ACTL6A: variants seen among roughly 807,000 people sequenced by gnomAD.
The protein encoded by ACTL6A is actin-like protein 6A.
Under a neutral mutation model 59.2 loss-of-function variants are expected in ACTL6A, and 5 were observed. The observed-to-expected ratio is 0.08, with a 90% CI of 0.04 to 0.18. The LOEUF is 0.18. Among genes scored for constraint, ACTL6A ranks in the 10% least tolerant of loss-of-function variants. The probability of loss-of-function intolerance (pLI) is 1.00; values close to 1 mark genes in which losing one functional copy is unlikely to be tolerated. For synonymous variants in ACTL6A, 154 were observed against 171.8 expected (o/e 0.90, Z 0.81); for missense variants, 285 against 526.9 (o/e 0.54, Z 4.49).
chr3:179,587,872 T>TTC lies in ACTL6A; in HGVS notation c.1210-58_1210-57insTC, dbSNP rs1718557768. 3 of 1,496,480 alleles carry TTC rather than the reference T, an allele frequency of 2.0e-6. No homozygotes were observed. The East Asian group carries it at 7.3e-5, about 36-fold the overall frequency. The allele number at this position is 1,496,480 out of a possible 1,614,324, so 92.7% of individuals were successfully genotyped here. ...CTTCTCTCAAAAAAAAAAAATTTTTTAAGCCATTTCTAGTAAGAAGTAAGG... is the reference window on the plus strand; with the variant it reads ...CTTCTCTCAAAAAAAAAAAATTTTTTTCAAGCCATTTCTAGTAAGAAGTAAGG... On this transcript the variant is annotated intron_variant, in intron 13 of 13. Transcript: ENST00000429709.
chr3:179,582,090 T>TACCTTTATTTC (rs1435640964), intron 11 of ACTL6A, among the ~76,000 whole-genome samples: 2 of 152,254 alleles, frequency 1.3e-5, no homozygotes, highest in Non-Finnish European at 2.9e-5. Context: ...TACTTTATTT[T>TACCTTTATTTC]ACCTTTATTT....
At position 179,563,016 on chromosome 3, in the gene ACTL6A, C is replaced by A; in HGVS notation, c.-77C>A. 2 of 1,578,856 alleles carry A rather than the reference C, an allele frequency of 1.3e-6. No homozygotes were observed. The highest frequency in any genetic ancestry group is 1.1e-5 in the South Asian group (1 of 88,198). On this transcript the variant is annotated 5_prime_UTR_variant, in exon 1 of 14. Transcript: ENST00000429709. ...TTAAGGGAGTCAGGGGCTATCGCTC[C>A]TCGAGACTCGCAGTCGCGGCCACTG... is the stretch of plus-strand genomic sequence containing the variant.
In ACTL6A at chr3:179,580,620, CT is replaced by C; in HGVS notation, c.769-14del. On this transcript the variant is annotated intron_variant, in intron 8 of 13. Transcript: ENST00000429709. ...AGATAAATCTCAACCTTGTTTGTTA[CT>C]TTTTTCTTTTACTCACAGTGTGTTA... 1.9e-6 allele frequency: 3 copies of C among 1,558,016 alleles called. No individual in the cohort carries two copies. Among genetic ancestry groups the C allele is most frequent in the Non-Finnish European group, 2.6e-6 (3 of 1,143,704 alleles).
chr3:179,567,223 G>A (rs889752257), intron 1 of ACTL6A, among the ~76,000 whole-genome samples: 1 of 152,048 alleles, frequency 6.6e-6, no homozygotes, highest in Non-Finnish European at 1.5e-5. Flanking sequence ...AAACCTAGCC[G>A]GGCTTGGTGG....
At chr3:179,563,197 C>T in intron 1 of ACTL6A, 80 bp downstream of exon 1, 1 of 1,532,298 alleles carries the variant, frequency 6.5e-7, no homozygotes. Flanking sequence ...CCCTCCCCTC[C>T]CCGGCGTTCC....
chr3:179,575,133 G>A (rs569659987), intron 5 of ACTL6A: 7 of 299,824 alleles, frequency 2.3e-5, no homozygotes, highest in Non-Finnish European at 2.6e-5. Context: ...ATGAGCCACC[G>A]TGCCCAGCCT....
intron 11 of ACTL6A, 36 bp downstream of exon 11, chr3:179,581,256 CT>C: frequency 6.5e-7 from 1 of 1,535,040 alleles, no homozygotes; most frequent in Non-Finnish European, 9.0e-7. Flanking sequence ...TTAAAGGTAT[CT>C]TTTAGGGGAC....
intron 1 of ACTL6A, among the ~76,000 whole-genome samples, chr3:179,563,565 G>A (rs1424236134): frequency 6.6e-6 from 1 of 152,218 alleles, no homozygotes; most frequent in Non-Finnish European, 1.5e-5. Context: ...GTGGACGGAG[G>A]GTTCCCAGAG....
At chr3:179,586,490 T>TAAA in intron 12 of ACTL6A, 56 bp from the exon 13 acceptor site, 1 of 1,152,090 alleles carries the variant, frequency 8.7e-7, no homozygotes, top group African/African-American at 1.6e-5. Context: ...AAAAAAAGAA[T>TAAA]TTTCTAAGTT....
At position 179,567,198 on chromosome 3, in the gene ACTL6A, T is replaced by C. The variant is rs547227753; in HGVS notation, c.26-2626T>C. On this transcript the variant is annotated intron_variant, in intron 1 of 13. Transcript: ENST00000429709. Reference sequence around the variant, plus strand: ...CTGGCCAACATGGTGAAACCCCATGTCTACTAAAAATATAAAACCTAGCCG... The same window carrying C: ...CTGGCCAACATGGTGAAACCCCATGCCTACTAAAAATATAAAACCTAGCCG... 1.2e-3 allele frequency among the ~76,000 whole-genome samples: 187 copies of C among 152,222 alleles called. 1 individual carries two copies. Among genetic ancestry groups the C allele is most frequent in the African/African-American group, 4.2e-3 (175 of 41,542 alleles).
chr3:179,563,019 G>A lies in ACTL6A; in HGVS notation c.-74G>A. On this transcript the variant is annotated 5_prime_UTR_variant, in exon 1 of 14. Transcript: ENST00000429709. ...AGGGAGTCAGGGGCTATCGCTCCTC[G>A]AGACTCGCAGTCGCGGCCACTGCAG... 3 of 1,582,578 alleles carry A rather than the reference G, an allele frequency of 1.9e-6. No homozygotes were observed. Among genetic ancestry groups the A allele is most frequent in the Middle Eastern group, 1.7e-4 (1 of 6,020 alleles).
chr3:179,567,136 C>T (rs1374069792), intron 1 of ACTL6A, among the ~76,000 whole-genome samples: 6 of 151,944 alleles, frequency 3.9e-5, no homozygotes, highest in East Asian at 3.9e-4. Flanking sequence ...GAGGGCAAGG[C>T]GAGTGGATCA....
intron 1 of ACTL6A, among the ~76,000 whole-genome samples, chr3:179,563,536 G>A (rs1717736129): frequency 6.6e-6 from 1 of 152,194 alleles, no homozygotes; most frequent in African/African-American, 2.4e-5. Context: ...AACTTGGAAG[G>A]TCCCGGCGGT....
chr3:179,585,721 A>G (rs1039484709), intron 12 of ACTL6A, among the ~76,000 whole-genome samples: 7 of 152,302 alleles, frequency 4.6e-5, no homozygotes, highest in Non-Finnish European at 8.8e-5. Flanking sequence ...GATGTCAACA[A>G]CTTGAGAACT....
chr3:179,562,963 T>C lies in ACTL6A; in HGVS notation c.-130T>C. On this transcript the variant is annotated 5_prime_UTR_variant, in exon 1 of 14. Coordinates refer to ENST00000429709, the MANE Select transcript of ACTL6A (RefSeq NM_004301.5). ...GCTCCGGGGTGTGTGGACGCCGCTT[T>C]GTTGCCTGAGGTGGGTGGCGGTGGA... is the stretch of plus-strand genomic sequence containing the variant. 7.9e-7 allele frequency: 1 copy of C among 1,259,756 alleles called. No individual in the cohort carries two copies. Among genetic ancestry groups the C allele is most frequent in the South Asian group, 1.3e-5 (1 of 78,258 alleles). 78.0% of individuals were successfully genotyped at this position (1,259,756 alleles called of 1,614,324 possible).
chr3:179,588,206 T>C lies in ACTL6A; in HGVS notation c.*196T>C, dbSNP rs2108375339. The C allele has an allele frequency of 2.2e-6, 1 of 445,006 alleles. No individual in the cohort carries two copies. Among genetic ancestry groups the C allele is most frequent in the Non-Finnish European group, 3.9e-6 (1 of 256,102 alleles). The allele number at this position is 445,006 out of a possible 1,614,324, so 27.6% of individuals were successfully genotyped here. A position where few individuals can be genotyped will look rare whatever the true frequency, so the allele number is the denominator to read the frequency against. On this transcript the variant is annotated 3_prime_UTR_variant, in exon 14 of 14. Transcript: ENST00000429709. ...TTTCCTTGAAATGCACTTATTCTTA[T>C]TACAAGCATTTTATAATTTTGTATA...
At chr3:179,577,611 T>C (rs1261594572) in intron 8 of ACTL6A, among the ~76,000 whole-genome samples, 1 of 152,134 alleles carries the variant, frequency 6.6e-6, no homozygotes, top group Non-Finnish European at 1.5e-5. Flanking sequence ...TAGTACCCAA[T>C]AGTTATTTTT....
intron 13 of ACTL6A, 58 bp from the exon 14 acceptor site, chr3:179,587,872 T>A (rs894493879): frequency 1.3e-6 from 2 of 1,496,596 alleles, no homozygotes; most frequent in Admixed American, 2.4e-5. Flanking sequence ...AAAAATTTTT[T>A]AAGCCATTTC....
intron 13 of ACTL6A, 41 bp downstream of exon 13, chr3:179,586,673 T>C (rs112003206): frequency 6.9e-7 from 1 of 1,445,078 alleles, no homozygotes; most frequent in East Asian, 2.3e-5. Context: ...TCTTACTGAA[T>C]TATACTAAAT....
Sources: allele counts gnomAD v4.1 joint callset (sites outside exome capture counted in the v4.1 genomes callset), GRCh38; gene constraint gnomAD v4.1.1; transcripts MANE v1.5; gene names NCBI Gene and HGNC (gene_info 2026-07-23, HGNC 2026-07-21).